N4BP2L2: variants seen among roughly 807,000 people sequenced by gnomAD.
The protein encoded by N4BP2L2 is NEDD4 binding protein 2 like 2, also known as NEDD4-binding protein 2-like 2.
A neutral mutation model predicts 56.2 loss-of-function variants in N4BP2L2; 50 were observed. The observed-to-expected ratio is 0.89, with a 90% CI of 0.71 to 1.13. The LOEUF is 1.13. Among genes scored for constraint, N4BP2L2 ranks in the 50% most tolerant of loss-of-function variants. The pLI is 0.00. For synonymous variants in N4BP2L2, 203 were observed against 223.6 expected (o/e 0.91, Z 0.82); for missense variants, 689 against 693.8 (o/e 0.99, Z 0.08).
intron 6 of N4BP2L2, among the ~76,000 whole-genome samples, chr13:32,500,865 C>CTTTTTTT (rs368419149): frequency 1.6e-5 from 2 of 127,404 alleles, no homozygotes; most frequent in Non-Finnish European, 3.3e-5. Context: ...TTAGTCTTTT[C>CTTTTTTT]TTTTTTTTTT....
At chr13:32,490,326 T>TG (rs1156916930) in intron 6 of N4BP2L2, among the ~76,000 whole-genome samples, 1 of 152,094 alleles carries the variant, frequency 6.6e-6, no homozygotes, top group African/African-American at 2.4e-5. Flanking sequence ...GTTTTGGAGA[T>TG]GGAGTTTCGC....
rs565634656 is a variant in N4BP2L2, at chr13:32,523,109, G to A, written c.1385-839C>T. ...TATGAGATAAGAATCACTGTCACAA[G>A]GCTGGGTGTGGTAGCTCACACCTAT... On this transcript the variant is annotated intron_variant, in intron 3 of 5. Coordinates refer to ENST00000267068, the Ensembl canonical transcript of N4BP2L2. 3.3e-5 allele frequency: 5 copies of A among 152,242 alleles called. No individual in the cohort carries two copies. In the South Asian group the frequency reaches 1.0e-3, roughly 32 times the overall value. 9.4% of individuals were successfully genotyped at this position (152,242 alleles called of 1,614,324 possible).
downstream of N4BP2L2, chr13:32,509,456 T>C (rs2091440335): frequency 6.6e-6 from 1 of 152,180 alleles, no homozygotes; most frequent in African/African-American, 2.4e-5. Flanking sequence ...TTCCTTCGTA[T>C]CAAAAGTTTG....
chr13:32,482,095 GTA>G (rs1442297084), intron 6 of N4BP2L2, among the ~76,000 whole-genome samples: 3 of 151,938 alleles, frequency 2.0e-5, no homozygotes, highest in Non-Finnish European at 4.4e-5. Flanking sequence ...TATCTTTTTT[GTA>G]TGTCTTAAAT....
At chr13:32,435,802 A>C (rs1206169973) in intron 9 of N4BP2L2, among the ~76,000 whole-genome samples, 3 of 152,208 alleles carry the variant, frequency 2.0e-5, no homozygotes, top group Non-Finnish European at 2.9e-5. Context: ...AAATGAAAAA[A>C]CGTATGGTAA....
chr13:32,438,727 C>T (rs755804129), exon 8 of N4BP2L2: 7 of 1,607,594 alleles, frequency 4.4e-6, no homozygotes, highest in Non-Finnish European at 6.0e-6. Flanking sequence ...AGTCATCAGG[C>T]AACAAGGATT....
At chr13:32,481,260 T>C (rs1219929319) in intron 6 of N4BP2L2, among the ~76,000 whole-genome samples, 3 of 151,336 alleles carry the variant, frequency 2.0e-5, no homozygotes, top group African/African-American at 7.3e-5. Context: ...TATAAACAAG[T>C]GAAAGTGGAG....
intron 6 of N4BP2L2, chr13:32,480,581 C>G (rs1398770015): frequency 7.9e-7 from 1 of 1,266,318 alleles, no homozygotes; most frequent in Admixed American, 2.3e-5. Context: ...CTTGGAGTTT[C>G]CATCTCACCT....
intron 6 of N4BP2L2, among the ~76,000 whole-genome samples, chr13:32,479,216 A>T (rs1490378456): frequency 6.6e-6 from 1 of 152,134 alleles, no homozygotes; most frequent in East Asian, 1.9e-4. Flanking sequence ...CAAGATAAAT[A>T]TGTGAAGGAA....
intron 5 of N4BP2L2, 98 bp downstream of exon 5, chr13:32,521,275 T>A: frequency 1.0e-6 from 1 of 979,672 alleles, no homozygotes; most frequent in Non-Finnish European, 1.6e-6. Context: ...CTCAGTTTCC[T>A]GAACCTACAT....
At chr13:32,453,937 C>G (rs1450541297) in intron 6 of N4BP2L2, among the ~76,000 whole-genome samples, 3 of 152,126 alleles carry the variant, frequency 2.0e-5, no homozygotes, top group African/African-American at 7.2e-5. Context: ...TAGCCACTGT[C>G]AGTTGGGGTA....
Position 32,477,127 on chromosome 13 carries a change from G to A in N4BP2L2, c.366-33001C>T, listed in dbSNP as rs1038391229. The A allele has an allele frequency of 2.3e-5, 14 of 607,928 alleles. No individual in the cohort carries two copies. The Admixed American group carries it at 2.5e-4, about 11-fold the overall frequency. The allele number at this position is 607,928 out of a possible 1,614,324, so 37.7% of individuals were successfully genotyped here. ...AGTGAACTTGAATGTGTAACCAATAGTACTCTTGCCACTATCATACACCAG... is the reference window on the plus strand; with the variant it reads ...AGTGAACTTGAATGTGTAACCAATAATACTCTTGCCACTATCATACACCAG... On this transcript the variant is annotated intron_variant, in intron 6 of 9. Transcript: ENST00000357505.
chr13:32,441,633 G>A (rs550760391), intron 7 of N4BP2L2, among the ~76,000 whole-genome samples: 38 of 150,262 alleles, frequency 2.5e-4, no homozygotes, highest in Non-Finnish European at 4.7e-4. Context: ...GCAGTGAGCC[G>A]AGATCACACC....
intron 6 of N4BP2L2, among the ~76,000 whole-genome samples, chr13:32,447,386 T>C (rs1355673051): frequency 1.3e-5 from 2 of 151,542 alleles, no homozygotes; most frequent in African/African-American, 4.9e-5. Context: ...TGGGCACAAG[T>C]GACTCCTCCT....
At chr13:32,518,224 G>C (rs2049738515) in intron 5 of N4BP2L2, among the ~76,000 whole-genome samples, 1 of 152,116 alleles carries the variant, frequency 6.6e-6, no homozygotes. Context: ...ACAGAAAAAT[G>C]TTAATTACAT....
chr13:32,475,906 A>G (rs1466155460), intron 6 of N4BP2L2, among the ~76,000 whole-genome samples: 2 of 152,204 alleles, frequency 1.3e-5, no homozygotes, highest in Non-Finnish European at 2.9e-5. Context: ...CAAAGGGAGA[A>G]GGGCAGGAAA....
intron 9 of N4BP2L2, chr13:32,436,227 T>G (rs886826406): frequency 3.0e-5 from 13 of 430,248 alleles, no homozygotes; most frequent in Middle Eastern, 1.3e-3. Context: ...ACAAGGTTGC[T>G]ATGGTAACAA....
chr13:32,451,716 ATTT>A (rs780502313), intron 6 of N4BP2L2, among the ~76,000 whole-genome samples: 1 of 133,044 alleles, frequency 7.5e-6, no homozygotes. Context: ...CTGCCCAGCT[ATTT>A]TTTTTTTTTT....
At chr13:32,530,879 C>T (rs394254) in intron 2 of N4BP2L2, among the ~76,000 whole-genome samples, 94,375 of 147,146 alleles carry the variant, frequency 0.64, 31,409 homozygotes, top group Non-Finnish European at 0.75. Flanking sequence ...GATGTCACTT[C>T]GGAGATTACT....
Sources: gnomAD v4.1 joint callset for allele counts (sites outside exome capture counted in the v4.1 genomes callset) on GRCh38, gnomAD v4.1.1 for gene constraint, MANE v1.5 for transcripts, NCBI Gene and HGNC (gene_info 2026-07-23, HGNC 2026-07-21) for gene names.